Variants in SMARCA2 observed in about 807,000 individuals in gnomAD.
SMARCA2 encodes SWI/SNF related BAF chromatin remodeling complex subunit ATPase 2.
Under a neutral mutation model 199.8 loss-of-function variants are expected in SMARCA2, and 61 were observed. That is an observed-to-expected ratio of 0.31 (90% CI 0.25 to 0.38). The LOEUF is 0.38. SMARCA2 is among the 10% of genes least tolerant of loss of function. SMARCA2 has a pLI of 1.00. For synonymous variants in SMARCA2, 935 were observed against 732.0 expected, an observed-to-expected ratio of 1.28 and a Z score of -4.48; for missense variants, 1,344 against 2,012.2, an observed-to-expected ratio of 0.67 and a Z score of 6.35.
chr9:2,031,529 G>A (rs74954482), intron 2 of SMARCA2, among the ~76,000 whole-genome samples: 7 of 152,316 alleles, frequency 4.6e-5, no homozygotes, highest in East Asian at 1.9e-4. Flanking sequence ...AATTCAATGT[G>A]TGAGTGTTGG....
At chr9:2,080,860 A>G (rs1298504574) in intron 14 of SMARCA2, among the ~76,000 whole-genome samples, 1 of 152,102 alleles carries the variant, frequency 6.6e-6, no homozygotes, top group Non-Finnish European at 1.5e-5. Context: ...TGCCTCATTC[A>G]TTGTTTTCTC....
At position 2,104,845 on chromosome 9, in the gene SMARCA2, A is replaced by T. The variant is rs946610409; in HGVS notation, c.3292+676A>T. Among the ~76,000 whole-genome samples the T allele has an allele frequency of 9.8e-5, 15 of 152,326 alleles. No individual in the cohort carries two copies. Among genetic ancestry groups the T allele is most frequent in the African/African-American group, 3.6e-4 (15 of 41,574 alleles). ...TTGGATATCAGCCATAATATATTAG[A>T]GGTTGAAAGTATCAGCATTTATACA... On this transcript the variant is annotated intron_variant, in intron 23 of 33. Transcript: ENST00000349721. This position sits in a 1 kb window ranked among gnomAD's most constrained non-coding sequence, Gnocchi z 4.0.
intron 1 of SMARCA2, among the ~76,000 whole-genome samples, chr9:2,020,060 C>T (rs1392939773): frequency 6.6e-6 from 1 of 152,134 alleles, no homozygotes; most frequent in Admixed American, 6.5e-5. Context: ...GATTCTGTTT[C>T]TGGTCAAGAT....
At chr9:2,070,661 A>G (rs2130413597) in intron 10 of SMARCA2, among the ~76,000 whole-genome samples, 190 bp downstream of exon 10, 1 of 152,240 alleles carries the variant, frequency 6.6e-6, no homozygotes, top group Admixed American at 6.5e-5. Context: ...ATCTACTTAC[A>G]TGTCAGACTG....
Position 2,161,529 on chromosome 9 carries a change from C to T in SMARCA2, c.3982-157C>T, listed in dbSNP as rs945572442. On this transcript the variant is annotated intron_variant, in intron 27 of 33. Transcript: ENST00000349721. This position sits in a 1 kb window ranked among gnomAD's most constrained non-coding sequence, Gnocchi z 4.7. ...TCCAATATGGTAGCATTCCTTTTTT[C>T]TTCTTCCTCCACTGATTACTGTTAA... Among the ~76,000 whole-genome samples, 1 of 152,034 alleles carries T rather than the reference C, an allele frequency of 6.6e-6. No homozygotes were observed. The highest frequency in any genetic ancestry group is 2.1e-4 in the South Asian group (1 of 4,808).
At chr9:2,015,628 G>T (rs895946716) in intron 1 of SMARCA2, among the ~76,000 whole-genome samples, 14 of 152,216 alleles carry the variant, frequency 9.2e-5, no homozygotes, top group Non-Finnish European at 1.8e-4. Flanking sequence ...CAGGTGGAAT[G>T]CTCTAACGAC....
At chr9:2,190,678 G>T (rs896473209) in intron 32 of SMARCA2, among the ~76,000 whole-genome samples, 2 of 151,982 alleles carry the variant, frequency 1.3e-5, no homozygotes, top group African/African-American at 4.8e-5. Flanking sequence ...TGTACTTGCA[G>T]GTATGGACAT....
chr9:2,115,781 C>T lies in SMARCA2; in HGVS notation c.3457-41C>T, dbSNP rs770584491. 6 of 1,534,740 alleles carry T rather than the reference C, an allele frequency of 3.9e-6. No individual in the cohort carries two copies. In the South Asian group the frequency reaches 6.8e-5, roughly 17 times the overall value. Reference sequence around the variant, plus strand: ...GGGGTCCGGTTTTGGATGCCTATGCCAGGCATCTCAGTCCTCATAGCATAT... The same window carrying T: ...GGGGTCCGGTTTTGGATGCCTATGCTAGGCATCTCAGTCCTCATAGCATAT... On this transcript the variant is annotated intron_variant, in intron 24 of 33. Transcript: ENST00000349721. The surrounding 1 kb of genome is among the most constrained non-coding windows in gnomAD (Gnocchi z 6.0).
chr9:2,116,414 T>G (rs7020980), intron 25 of SMARCA2, among the ~76,000 whole-genome samples: 52,055 of 152,096 alleles, frequency 0.34, 13,141 homozygotes, highest in African/African-American at 0.72. Flanking sequence ...ATGGAAGGGG[T>G]CCTCTTTCTC....
intron 1 of SMARCA2, among the ~76,000 whole-genome samples, 169 bp downstream of exon 1, chr9:2,015,573 C>T (rs954186226): frequency 1.3e-5 from 2 of 152,086 alleles, no homozygotes; most frequent in Non-Finnish European, 2.9e-5. Context: ...AACAGGCGGG[C>T]CAACCGCCGC....
intron 7 of SMARCA2, among the ~76,000 whole-genome samples, chr9:2,057,051 AG>A (rs1189880825): frequency 6.6e-6 from 1 of 152,204 alleles, no homozygotes; most frequent in African/African-American, 2.4e-5. Context: ...TGACTGCCCA[AG>A]GTCATACAAT....
chr9:2,170,431 G>A lies in SMARCA2; in HGVS notation c.4212G>A (p.Glu1404=). The A allele has an allele frequency of 6.2e-7, 1 of 1,614,180 alleles. No individual in the cohort carries two copies. The highest frequency in any genetic ancestry group is 8.5e-7 in the Non-Finnish European group (1 of 1,180,016). ...TACTCTACCGCAGGTGTAACGTGGA[G>A]AAGGTGCCCAGTAATTCTCAGTTGG... ...VINYKDRCNV[E]KVPSNSQLEI... Residue 1404 remains glutamate (E), a synonymous_variant, in exon 29 of 34, where the codon GAG becomes GAA. Transcript: ENST00000349721. This position sits in a 1 kb window ranked among gnomAD's most constrained non-coding sequence, Gnocchi z 4.7.
chr9:2,166,857 C>T (rs1277033560), intron 28 of SMARCA2, among the ~76,000 whole-genome samples: 1 of 152,126 alleles, frequency 6.6e-6, no homozygotes, highest in Middle Eastern at 3.2e-3. Flanking sequence ...AGGCTAAAAC[C>T]ATGATACACC....
intron 23 of SMARCA2, among the ~76,000 whole-genome samples, chr9:2,106,310 A>G (rs1183139082): frequency 6.6e-6 from 1 of 152,228 alleles, no homozygotes; most frequent in Non-Finnish European, 1.5e-5. Context: ...CAACATTTTA[A>G]GAATGATTTT....
intron 27 of SMARCA2, chr9:2,157,945 G>T: frequency 2.5e-6 from 1 of 398,254 alleles, no homozygotes; most frequent in Non-Finnish European, 4.4e-6. Flanking sequence ...TGCTTCCCGG[G>T]TCTGCCATGT....
Position 2,086,661 on chromosome 9 carries a change from G to A in SMARCA2, c.2527-168G>A, listed in dbSNP as rs373654522. Among the ~76,000 whole-genome samples, 3 of 152,076 alleles carry A rather than the reference G, an allele frequency of 2.0e-5. No individual in the cohort carries two copies. The highest frequency in any genetic ancestry group is 2.9e-5 in the Non-Finnish European group (2 of 68,024). On this transcript the variant is annotated intron_variant, in intron 17 of 33. Coordinates refer to ENST00000349721, the MANE Select transcript of SMARCA2 (RefSeq NM_003070.5). This position sits in a 1 kb window ranked among gnomAD's most constrained non-coding sequence, Gnocchi z 4.3. Reference sequence around the variant, plus strand: ...TCTATTATTATAGGATGTCTTATGCGGCCTATCAGGCATGAGACATTGTTG... The same window carrying A: ...TCTATTATTATAGGATGTCTTATGCAGCCTATCAGGCATGAGACATTGTTG...
intron 15 of SMARCA2, 79 bp from the exon 16 acceptor site, chr9:2,083,268 C>T (rs951803117): frequency 5.5e-6 from 5 of 905,018 alleles, no homozygotes; most frequent in African/African-American, 5.1e-5. Flanking sequence ...GAGGCCTGAA[C>T]ATGAATAAGA....
chr9:2,184,609 TC>T (rs1036082525), intron 31 of SMARCA2, among the ~76,000 whole-genome samples: 2 of 152,010 alleles, frequency 1.3e-5, no homozygotes, highest in African/African-American at 4.8e-5. Context: ...CACCTCAGCC[TC>T]CTAAAGTGCT....
chr9:2,160,452 G>A lies in SMARCA2; in HGVS notation c.3982-1234G>A, dbSNP rs1429405753. On this transcript the variant is annotated intron_variant, in intron 27 of 33. Coordinates refer to ENST00000349721, the MANE Select transcript of SMARCA2 (RefSeq NM_003070.5). Reference sequence around the variant, plus strand: ...CCCACTGGCATTTTTAACATGCCAGGTTGTTTTGTGTTCTGCACCAGGTTT... The same window carrying A: ...CCCACTGGCATTTTTAACATGCCAGATTGTTTTGTGTTCTGCACCAGGTTT... The A allele has an allele frequency of 2.9e-5, 15 of 521,028 alleles. No homozygotes were observed. The East Asian group carries it at 3.0e-4, about 10-fold the overall frequency. The allele number at this position is 521,028 out of a possible 1,614,324, so 32.3% of individuals were successfully genotyped here.
Sources: allele counts gnomAD v4.1 joint callset (sites outside exome capture counted in the v4.1 genomes callset), GRCh38; gene constraint gnomAD v4.1.1; non-coding constraint Gnocchi (gnomAD v3.1); transcripts MANE v1.5; gene names NCBI Gene and HGNC (gene_info 2026-07-23, HGNC 2026-07-21).